SNX13: variants seen among roughly 807,000 people sequenced by gnomAD.
SNX13 encodes sorting nexin 13.
In SNX13, 45 loss-of-function variants were observed where a neutral mutation model predicts 133.6. The observed-to-expected ratio is 0.34, with a 90% confidence interval of 0.27 to 0.43. The LOEUF (loss-of-function observed/expected upper bound fraction) is 0.43, where lower values mean the gene tolerates loss of function less well. SNX13 is among the 20% of genes least tolerant of loss of function. The probability of loss-of-function intolerance (pLI) is 1.00; values close to 1 mark genes in which losing one functional copy is unlikely to be tolerated. For synonymous variants in SNX13, 414 were observed against 373.9 expected (o/e 1.11, Z -1.24); for missense variants, 1,032 against 1,145.1 (o/e 0.90, Z 1.43).
At chr7:17,935,312 A>G (rs1365285192) in intron 1 of SNX13, among the ~76,000 whole-genome samples, 2 of 152,220 alleles carry the variant, frequency 1.3e-5, no homozygotes, top group African/African-American at 4.8e-5. Context: ...GAAATTTAAG[A>G]AGTCAAACTC....
chr7:17,793,229 A>G lies in SNX13; in HGVS notation c.*816T>C, dbSNP rs1222049073. 1 of 152,384 alleles carries G rather than the reference A, an allele frequency of 6.6e-6. No individual in the cohort carries two copies. Among genetic ancestry groups the G allele is most frequent in the African/African-American group, 2.4e-5 (1 of 41,422 alleles). 9.4% of individuals were successfully genotyped at this position (152,384 alleles called of 1,614,324 possible). On this transcript the variant is annotated 3_prime_UTR_variant, in exon 26 of 26. Transcript: ENST00000428135. ...TCTTCCAATAAATTATATCTTCTGT[A>G]TAATCAGTAATCTGTTAAAGATAAA...
intron 3 of SNX13, among the ~76,000 whole-genome samples, chr7:17,892,472 G>T (rs2127993873): frequency 6.8e-6 from 1 of 147,618 alleles, no homozygotes; most frequent in East Asian, 2.0e-4. Context: ...GTTCAAAAAA[G>T]GAAAGGTTAA....
intron 13 of SNX13, among the ~76,000 whole-genome samples, chr7:17,837,577 T>G (rs1464347882): frequency 6.6e-6 from 1 of 152,012 alleles, no homozygotes; most frequent in Non-Finnish European, 1.5e-5. Context: ...GCTTGTTTGG[T>G]AGGTAGATCA....
At chr7:17,812,208 G>A (rs1342977625) in intron 20 of SNX13, among the ~76,000 whole-genome samples, 2 of 151,994 alleles carry the variant, frequency 1.3e-5, no homozygotes, top group Non-Finnish European at 2.9e-5. Context: ...AGCATAAACT[G>A]TAGGAACCTA....
chr7:17,861,610 C>T (rs536923693), intron 9 of SNX13, among the ~76,000 whole-genome samples: 2 of 152,244 alleles, frequency 1.3e-5, no homozygotes, highest in East Asian at 1.9e-4. Context: ...AGAGTATGAC[C>T]TTCTGGTGGA....
intron 5 of SNX13, among the ~76,000 whole-genome samples, chr7:17,878,613 C>T (rs1254501489): frequency 1.3e-5 from 2 of 152,150 alleles, no homozygotes; most frequent in African/African-American, 4.8e-5. Context: ...ACAGGTCTCC[C>T]ACATCCACTC....
chr7:17,897,736 T>C (rs1267384813), intron 1 of SNX13: 4 of 190,344 alleles, frequency 2.1e-5, no homozygotes, highest in Non-Finnish European at 4.3e-5. Context: ...AACTGTTAAA[T>C]GAAATCCTAG....
intron 16 of SNX13, 96 bp downstream of exon 16, chr7:17,829,914 G>T: frequency 1.2e-6 from 1 of 818,194 alleles, no homozygotes; most frequent in Admixed American, 3.0e-5. Flanking sequence ...GATGATTTGG[G>T]GCCTTCTTTA....
chr7:17,801,720 C>A lies in SNX13; in HGVS notation c.2227-61G>T. The A allele has an allele frequency of 1.5e-5, 19 of 1,271,896 alleles. No individual in the cohort carries two copies. The South Asian group carries it at 2.5e-4, about 17-fold the overall frequency. The allele number at this position is 1,271,896 out of a possible 1,614,324, so 78.8% of individuals were successfully genotyped here. On this transcript the variant is annotated intron_variant, in intron 21 of 25. Transcript: ENST00000428135. ...TAAAGCAGACAGTGAAAGAACACAACACAATCATAAACCTAAATGAGTATC... is the reference window on the plus strand; with the variant it reads ...TAAAGCAGACAGTGAAAGAACACAAAACAATCATAAACCTAAATGAGTATC...
intron 11 of SNX13, 142 bp downstream of exon 11, chr7:17,850,205 G>A (rs1413571192): frequency 5.0e-6 from 2 of 401,900 alleles, no homozygotes; most frequent in Admixed American, 4.5e-5. Context: ...ATATCACATT[G>A]TAGAAGAGAA....
At chr7:17,854,629 A>G (rs989464999) in intron 9 of SNX13, among the ~76,000 whole-genome samples, 5 of 152,220 alleles carry the variant, frequency 3.3e-5, no homozygotes, top group Non-Finnish European at 7.3e-5. Context: ...TATGGTGATC[A>G]GTGATCTTTG....
At position 17,794,100 on chromosome 7, in the gene SNX13, T is replaced by C. The variant is rs781259925; in HGVS notation, c.2819A>G (p.Gln940Arg). The C allele has an allele frequency of 1.9e-6, 3 of 1,611,598 alleles. No homozygotes were observed. Among genetic ancestry groups the C allele is most frequent in the Admixed American group, 3.3e-5 (2 of 59,730 alleles). Reference sequence around the variant, plus strand: ...AGTTTGAAGTTTCTGTTTATATTTCTGCATCTGCTTTGACCGTGAATGCAG... The same window carrying C: ...AGTTTGAAGTTTCTGTTTATATTTCCGCATCTGCTTTGACCGTGAATGCAG... ...NKLHSRSKQM[Q>R]KYKQKLQTTQ... is the part of the protein sequence containing the mutation. The change falls in exon 26 of 26, where the codon CAG becomes CGG. Residue 940 changes from glutamine to arginine, a missense_variant. Gln to Arg is a conservative substitution (Grantham distance 43, BLOSUM62 1). Transcript: ENST00000428135.
intron 16 of SNX13, among the ~76,000 whole-genome samples, chr7:17,829,482 T>C (rs1210038116): frequency 3.3e-5 from 5 of 151,496 alleles, no homozygotes; most frequent in South Asian, 2.1e-4. Context: ...ATTAAGGATG[T>C]AGTTGCTGTA....
intron 9 of SNX13, among the ~76,000 whole-genome samples, chr7:17,867,982 T>C (rs1346392280): frequency 6.6e-6 from 1 of 152,174 alleles, no homozygotes; most frequent in African/African-American, 2.4e-5. Context: ...CAGAAACATC[T>C]AGAATCCAGA....
In SNX13 at chr7:17,931,158, TACC is replaced by T. The variant is rs538125425; in HGVS notation, c.12+9123_12+9125del. 2.8e-3 allele frequency among the ~76,000 whole-genome samples: 434 copies of T among 152,322 alleles called. 3 individuals carry two copies. Among genetic ancestry groups the T allele is most frequent in the Admixed American group, 9.0e-3 (137 of 15,298 alleles). On this transcript the variant is annotated intron_variant, in intron 1 of 25. Coordinates refer to ENST00000428135, the MANE Select transcript of SNX13 (RefSeq NM_015132.5). Reference sequence around the variant, plus strand: ...AAAAAGATCAGATGTTAGTAATTAATACCACATGTAAAATAGCTGATTATATTA... The same window carrying T: ...AAAAAGATCAGATGTTAGTAATTAATACATGTAAAATAGCTGATTATATTA...
intron 13 of SNX13, among the ~76,000 whole-genome samples, chr7:17,837,228 T>C (rs891734270): frequency 6.6e-6 from 1 of 152,030 alleles, no homozygotes; most frequent in Non-Finnish European, 1.5e-5. Context: ...CTTGATATCC[T>C]GGGATCAAGC....
intron 20 of SNX13, among the ~76,000 whole-genome samples, chr7:17,805,213 G>T (rs912861045): frequency 2.3e-5 from 2 of 87,670 alleles, no homozygotes; most frequent in East Asian, 2.6e-4. Flanking sequence ...ATGATTCTTT[G>T]TGTGTGTGTG....
At chr7:17,831,546 A>G (rs1788488652) in intron 15 of SNX13, 1 of 984,224 alleles carries the variant, frequency 1.0e-6, no homozygotes, top group Non-Finnish European at 1.2e-6. Flanking sequence ...ATAGGAATGA[A>G]ATTTCTACTC....
intron 18 of SNX13, among the ~76,000 whole-genome samples, chr7:17,817,916 C>T (rs1786844465): frequency 6.6e-6 from 1 of 152,058 alleles, no homozygotes; most frequent in Admixed American, 6.6e-5. Context: ...CATGTTGAAG[C>T]CCTAACATTC....
Sources: gnomAD v4.1 joint callset for allele counts (sites outside exome capture counted in the v4.1 genomes callset) on GRCh38, gnomAD v4.1.1 for gene constraint, MANE v1.5 for transcripts, NCBI Gene and HGNC (gene_info 2026-07-23, HGNC 2026-07-21) for gene names.